Variants in SPAST observed in about 807,000 individuals in gnomAD.
SPAST encodes spastin.
In SPAST, 30 loss-of-function variants were observed where a neutral mutation model predicts 76.6. The observed-to-expected ratio is 0.39, with a 90% confidence interval of 0.29 to 0.53. The LOEUF (loss-of-function observed/expected upper bound fraction) is 0.53, where lower values mean the gene tolerates loss of function less well. Among genes scored for constraint, SPAST ranks in the 20% least tolerant of loss-of-function variants. The pLI is 0.68. For missense variants in SPAST, 717 were observed against 770.5 expected, an observed-to-expected ratio of 0.93 and a Z score of 0.82; for synonymous variants, 305 against 281.0, an observed-to-expected ratio of 1.09 and a Z score of -0.86.
intron 1 of SPAST, among the ~76,000 whole-genome samples, chr2:32,071,101 ATCATGTTCTGCATGGC>A (rs1676731302): frequency 6.6e-6 from 1 of 152,348 alleles, no homozygotes; most frequent in South Asian, 2.1e-4. Context: ...ACTAGAACAT[ATCATGTTCTGCATGGC>A]TCCTGTGGGT....
chr2:32,112,923 G>A (rs945921877), intron 4 of SPAST, among the ~76,000 whole-genome samples: 4 of 151,742 alleles, frequency 2.6e-5, no homozygotes, highest in African/African-American at 4.8e-5. Context: ...TGTTTGTTGC[G>A]TAGTATGTAA....
intron 1 of SPAST, among the ~76,000 whole-genome samples, chr2:32,079,457 G>T (rs1677110032): frequency 6.6e-6 from 1 of 151,538 alleles, no homozygotes; most frequent in Non-Finnish European, 1.5e-5. Context: ...GTTGCAGTGA[G>T]ATCATACCAC....
At chr2:32,122,024 G>A (rs555789350) in intron 7 of SPAST, among the ~76,000 whole-genome samples, 1 of 152,118 alleles carries the variant, frequency 6.6e-6, no homozygotes, top group African/African-American at 2.4e-5. Context: ...CTTATATTAC[G>A]TGGAACAATA....
chr2:32,141,786 C>A, intron 12 of SPAST, 118 bp from the exon 13 acceptor site: 1 of 744,386 alleles, frequency 1.3e-6, no homozygotes, highest in South Asian at 1.7e-5. Flanking sequence ...ACATTGATAA[C>A]TACCAAAATG....
chr2:32,115,785 G>A lies in SPAST; in HGVS notation c.954G>A (p.Arg318=), dbSNP rs1448833453. Reference sequence around the variant, plus strand: ...AGAAAAAAGACTTGAAGAATTTTAGGAATGTGGACAGCAACCTTGCTAACC... The same window carrying A: ...AGAAAAAAGACTTGAAGAATTTTAGAAATGTGGACAGCAACCTTGCTAACC... The part of the protein sequence containing the change: ...TRKKKDLKNF[R]NVDSNLANLI... Residue 318 remains arginine, a synonymous_variant, in exon 6 of 17, where the codon AGG becomes AGA. Coordinates refer to ENST00000315285, the MANE Select transcript of SPAST (RefSeq NM_014946.4). 1.9e-6 allele frequency: 3 copies of A among 1,611,856 alleles called. No individual in the cohort carries two copies. Among genetic ancestry groups the A allele is most frequent in the South Asian group, 2.2e-5 (2 of 90,950 alleles).
intron 1 of SPAST, among the ~76,000 whole-genome samples, chr2:32,076,986 C>T (rs992322213): frequency 6.6e-6 from 1 of 152,130 alleles, no homozygotes; most frequent in South Asian, 2.1e-4. Context: ...AACGATTCTC[C>T]TGCCTCAGCC....
At chr2:32,130,626 C>A (rs1679339727) in intron 9 of SPAST, 2 of 150,114 alleles carry the variant, frequency 1.3e-5, no homozygotes, top group Admixed American at 1.3e-4. Context: ...GGCTGAGACA[C>A]GAGAATTGCT....
chr2:32,066,530 T>A (rs1676518295), intron 1 of SPAST, among the ~76,000 whole-genome samples: 2 of 151,848 alleles, frequency 1.3e-5, no homozygotes, highest in African/African-American at 4.8e-5. Context: ...TAGCTGGGCA[T>A]GGTGACACAT....
intron 1 of SPAST, among the ~76,000 whole-genome samples, chr2:32,080,219 A>C (rs1264711176): frequency 6.6e-6 from 1 of 152,044 alleles, no homozygotes; most frequent in African/African-American, 2.4e-5. Flanking sequence ...CCATTTGTGT[A>C]TCTTCTTTGG....
rs1558620101 is a variant in SPAST, at chr2:32,083,749, A to ATAT, written c.416-3743_416-3742insTAT. ...ATATATACTATATATATTTATATATACTATATATATATATATATATATATA... is the reference window on the plus strand; with the variant it reads ...ATATATACTATATATATTTATATATATATCTATATATATATATATATATATATA... On this transcript the variant is annotated intron_variant, in intron 1 of 16. Transcript: ENST00000315285. Among the ~76,000 whole-genome samples, 24 of 54,236 alleles carry ATAT rather than the reference A, an allele frequency of 4.4e-4. 1 individual carries two copies. The highest frequency in any genetic ancestry group is 8.8e-4 in the South Asian group (1 of 1,142). 35.6% of individuals were successfully genotyped at this position (54,236 alleles called of 152,430 possible).
Position 32,064,147 on chromosome 2 carries a change from G to T in SPAST, c.316G>T (p.Ala106Ser). 6.4e-7 allele frequency: 1 copy of T among 1,562,542 alleles called. No homozygotes were observed. Among genetic ancestry groups the T allele is most frequent in the South Asian group, 1.2e-5 (1 of 85,768 alleles). Reference protein sequence around the residue: ...APAPASASAPAPVPGGEAERV... With the variant: ...APAPASASAPSPVPGGEAERV... ...AGCACCTGCCTCGGCCTCGGCCCCG[G>T]CGCCGGTGCCGGGCGGCGAGGCCGA... Residue 106 changes from alanine (A) to serine (S), a missense_variant, in exon 1 of 17, where the codon GCG becomes TCG. Around this residue, in one of 3 missense-constraint regions of SPAST, gnomAD observed 543 missense variants for 445.2 expected, o/e 1.22. Coordinates refer to ENST00000315285, the MANE Select transcript of SPAST (RefSeq NM_014946.4).
intron 3 of SPAST, among the ~76,000 whole-genome samples, chr2:32,092,159 A>T (rs1385562164): frequency 6.6e-6 from 1 of 152,190 alleles, no homozygotes; most frequent in Admixed American, 6.5e-5. Flanking sequence ...TTGCCCGCAC[A>T]TAGTTAAAAA....
chr2:32,091,650 G>T (rs988054521), intron 3 of SPAST, among the ~76,000 whole-genome samples: 1 of 150,268 alleles, frequency 6.7e-6, no homozygotes, highest in Non-Finnish European at 1.5e-5. Flanking sequence ...GGCTAACACG[G>T]TGAAACCCCG....
At position 32,083,763 on chromosome 2, in the gene SPAST, TA is replaced by T. The variant is rs1351726715; in HGVS notation, c.416-3728del. Among the ~76,000 whole-genome samples the T allele has an allele frequency of 8.6e-4, 83 of 96,130 alleles. 2 individuals carry two copies. Among genetic ancestry groups the T allele is most frequent in the Non-Finnish European group, 1.3e-3 (67 of 49,704 alleles). The allele number at this position is 96,130 out of a possible 152,430, so 63.1% of individuals were successfully genotyped here. A position where few individuals can be genotyped will look rare whatever the true frequency, so the allele number is the denominator to read the frequency against. On this transcript the variant is annotated intron_variant, in intron 1 of 16. Coordinates refer to ENST00000315285, the MANE Select transcript of SPAST (RefSeq NM_014946.4). The stretch of plus-strand genomic sequence containing the variant: ...TATTTATATATACTATATATATATA[TA>T]TATATATATATATTTTTTTTTTTTT...
At chr2:32,141,811 G>T in intron 12 of SPAST, 93 bp from the exon 13 acceptor site, 1 of 992,998 alleles carries the variant, frequency 1.0e-6, no homozygotes, top group Non-Finnish European at 1.5e-6. Flanking sequence ...CCAGTGCCTT[G>T]AATATTATAT....
At position 32,108,758 on chromosome 2, in the gene SPAST, CTTTTTT is replaced by C. The variant is rs71407413; in HGVS notation, c.683-5860_683-5855del. ...GAGCTACTGTGCCTGGCTGGTATAG[CTTTTTT>C]TTTTTTTTTTTTTTTTTTTGTGACA... On this transcript the variant is annotated intron_variant, in intron 4 of 16. Transcript: ENST00000315285. Among the ~76,000 whole-genome samples the C allele has an allele frequency of 4.1e-5, 3 of 73,904 alleles. No homozygotes were observed. The East Asian group carries it at 1.6e-3, about 40-fold the overall frequency. 48.5% of individuals were successfully genotyped at this position (73,904 alleles called of 152,430 possible). A position where few individuals can be genotyped will look rare whatever the true frequency, so the allele number is the denominator to read the frequency against.
At chr2:32,150,520 C>T (rs1002745885) in intron 16 of SPAST, among the ~76,000 whole-genome samples, 1 of 151,880 alleles carries the variant, frequency 6.6e-6, no homozygotes, top group East Asian at 1.9e-4. Context: ...TCACTGCACC[C>T]TCTAGCTCCT....
chr2:32,115,392 A>G (rs887969132), intron 5 of SPAST, among the ~76,000 whole-genome samples: 1 of 152,070 alleles, frequency 6.6e-6, no homozygotes, highest in African/African-American at 2.4e-5. Flanking sequence ...AAATTATTTC[A>G]ATCTTTGTAA....
intron 16 of SPAST, among the ~76,000 whole-genome samples, chr2:32,149,089 T>A (rs1011557003): frequency 2.0e-5 from 3 of 151,990 alleles, no homozygotes; most frequent in East Asian, 1.9e-4. Flanking sequence ...TTTATTTTTT[T>A]AATTAATTTC....
Sources: allele counts gnomAD v4.1 joint callset (sites outside exome capture counted in the v4.1 genomes callset), GRCh38; gene constraint gnomAD v4.1.1; regional missense constraint gnomAD v4.1.1; transcripts MANE v1.5; gene names NCBI Gene and HGNC (gene_info 2026-07-23, HGNC 2026-07-21).